The following ALPK2 variants were observed in gnomAD, a reference collection of about 807,000 sequenced individuals.
ALPK2 encodes the protein alpha-protein kinase 2.
A neutral mutation model predicts 163.1 loss-of-function variants in ALPK2; 127 were observed. That is an observed-to-expected ratio of 0.78 (90% CI 0.67 to 0.90). The LOEUF is 0.90. Among genes scored for constraint, ALPK2 ranks in the 40% least tolerant of loss-of-function variants. The pLI is 0.00. For synonymous variants in ALPK2, 953 were observed against 959.1 expected (o/e 0.99, Z 0.12); for missense variants, 2,360 against 2,589.6 (o/e 0.91, Z 1.92).
intron 4 of ALPK2, among the ~76,000 whole-genome samples, chr18:58,559,957 C>T (rs2051817366): frequency 1.3e-5 from 2 of 152,202 alleles, no homozygotes; most frequent in African/African-American, 2.4e-5. Flanking sequence ...TATTACTTTA[C>T]AGTTCGGGAG....
intron 12 of ALPK2, among the ~76,000 whole-genome samples, chr18:58,486,951 A>G (rs1426364059): frequency 6.6e-6 from 1 of 152,218 alleles, no homozygotes; most frequent in African/African-American, 2.4e-5. Flanking sequence ...CCTGCTAGTG[A>G]CCCACCTTAC....
intron 5 of ALPK2, among the ~76,000 whole-genome samples, chr18:58,533,520 T>C (rs1176866548): frequency 1.3e-5 from 2 of 151,636 alleles, no homozygotes; most frequent in African/African-American, 2.4e-5. Flanking sequence ...AGTGTGGTGG[T>C]GTGATCACAG....
chr18:58,553,850 G>GTTTTTTTTTTTTTTTTTT (rs71173061), intron 4 of ALPK2, among the ~76,000 whole-genome samples: 4 of 73,994 alleles, frequency 5.4e-5, no homozygotes, highest in Non-Finnish European at 6.9e-5. Flanking sequence ...TTTTTTTTTG[G>GTTTTTTTTTTTTTTTTTT]TTTTTTTTTT....
At chr18:58,545,524 G>T (rs559075149) in intron 4 of ALPK2, among the ~76,000 whole-genome samples, 3 of 152,162 alleles carry the variant, frequency 2.0e-5, no homozygotes, top group South Asian at 4.1e-4. Context: ...GAAGTAGAGT[G>T]GGGGAGGGAG....
chr18:58,497,918 T>A, intron 12 of ALPK2, 131 bp downstream of exon 12: 1 of 778,760 alleles, frequency 1.3e-6, no homozygotes, highest in Non-Finnish European at 2.2e-6. Context: ...AATGAATTCA[T>A]TCCAAGAACA....
At chr18:58,542,553 A>G (rs1602209765) in intron 4 of ALPK2, among the ~76,000 whole-genome samples, 2 of 152,362 alleles carry the variant, frequency 1.3e-5, no homozygotes, top group East Asian at 1.9e-4. Context: ...AGTTCAATAT[A>G]AAGAACTATT....
rs3809973 is a variant in ALPK2, at chr18:58,537,700, T to G, written c.2487A>C (p.Lys829Asn). Residue 829 changes from lysine (K) to asparagine (N), a missense_variant, in exon 5 of 13, where the codon AAA (lysine) becomes AAC (asparagine). Physicochemically the swap from Lys to Asn is moderately conservative, Grantham distance 94. Transcript: ENST00000361673. The stretch of plus-strand genomic sequence containing the variant: ...CAGAGCAAATTTCTTGAGGCGAATA[T>G]TTATCAACTGGTCTCCCAACAAGAG... ...IDSLVGRPVD[K>N]YSPQEICSVD... The G allele has an allele frequency of 0.52, 837,707 of 1,608,432 alleles. 223,529 individuals are homozygous for G. The highest frequency in any genetic ancestry group is 0.56 in the Non-Finnish European group (652,474 of 1,175,170).
At chr18:58,534,707 A>G (rs1382844725) in intron 5 of ALPK2, 127 bp downstream of exon 5, 1 of 1,292,374 alleles carries the variant, frequency 7.7e-7, no homozygotes, top group Non-Finnish European at 1.1e-6. Flanking sequence ...CTTGGCCACA[A>G]CCATAGCATC....
intron 1 of ALPK2, among the ~76,000 whole-genome samples, chr18:58,613,170 T>C (rs958190241): frequency 6.6e-6 from 1 of 152,154 alleles, no homozygotes; most frequent in Non-Finnish European, 1.5e-5. Context: ...GAGAGACGAG[T>C]TCCCCGAGGA....
In ALPK2 at chr18:58,536,240, C is replaced by A; in HGVS notation, c.3947G>T (p.Gly1316Val). 1 of 1,614,214 alleles carries A rather than the reference C, an allele frequency of 6.2e-7. No individual in the cohort carries two copies. The highest frequency in any genetic ancestry group is 8.5e-7 in the Non-Finnish European group (1 of 1,180,038). Residue 1316 changes from glycine to valine, a missense_variant, in exon 5 of 13, where the codon GGC becomes GTC. By Grantham distance (109) the Gly-to-Val change is moderately radical. Transcript: ENST00000361673. ...ALADSRESHK[G>V]EEPTISVHWR... Reference sequence around the variant, plus strand: ...ATGTACACTGATGGTGGGCTCTTCGCCTTTATGGCTTTCTCTGCTATCAGC... The same window carrying A: ...ATGTACACTGATGGTGGGCTCTTCGACTTTATGGCTTTCTCTGCTATCAGC...
At chr18:58,567,573 G>A (rs1358654723) in intron 4 of ALPK2, among the ~76,000 whole-genome samples, 2 of 152,146 alleles carry the variant, frequency 1.3e-5, no homozygotes, top group African/African-American at 2.4e-5. Flanking sequence ...CTTAGTGCAG[G>A]CTGTTTGCCA....
chr18:58,596,540 A>G (rs1047284818), intron 3 of ALPK2, among the ~76,000 whole-genome samples: 1 of 152,222 alleles, frequency 6.6e-6, no homozygotes, highest in African/African-American at 2.4e-5. Context: ...GGGAGCAGTC[A>G]CTGACACCCT....
intron 8 of ALPK2, 43 bp downstream of exon 8, chr18:58,523,763 A>G (rs1469693115): frequency 1.2e-6 from 2 of 1,613,408 alleles, no homozygotes; most frequent in Non-Finnish European, 1.7e-6. Context: ...TATGCTTTAC[A>G]GTAAGCCCAT....
rs2052245671 is a variant in ALPK2 at position 58,628,960 on chromosome 18, G to A, written c.-217C>T. ...TTCCAGAAAGTTCATCTCTTCCTAA[G>A]AGGGGAAATTCCATGCCCGGGGAAG... On this transcript the variant is annotated 5_prime_UTR_variant, in exon 1 of 13. Coordinates refer to ENST00000361673, the MANE Select transcript of ALPK2 (RefSeq NM_052947.4). 1 of 152,192 alleles carries A rather than the reference G, an allele frequency of 6.6e-6. No individual in the cohort carries two copies. The highest frequency in any genetic ancestry group is 1.5e-5 in the Non-Finnish European group (1 of 68,050). The allele number at this position is 152,192 out of a possible 1,614,324, so 9.4% of individuals were successfully genotyped here. A position where few individuals can be genotyped will look rare whatever the true frequency, so the allele number is the denominator to read the frequency against.
intron 3 of ALPK2, among the ~76,000 whole-genome samples, chr18:58,592,447 A>T (rs1602232097): frequency 1.3e-5 from 2 of 152,332 alleles, no homozygotes; most frequent in Non-Finnish European, 2.9e-5. Context: ...GGGAAGAATT[A>T]CATTTTGGCT....
At chr18:58,497,157 T>G (rs969462203) in intron 12 of ALPK2, among the ~76,000 whole-genome samples, 3 of 152,224 alleles carry the variant, frequency 2.0e-5, no homozygotes, top group Non-Finnish European at 4.4e-5. Flanking sequence ...CAGCTGCAAG[T>G]AACAAACTAG....
chr18:58,513,341 C>T (rs1409649632), intron 10 of ALPK2, among the ~76,000 whole-genome samples: 1 of 151,974 alleles, frequency 6.6e-6, no homozygotes, highest in African/African-American at 2.4e-5. Context: ...GCCCAGAGGC[C>T]CTTCTGAGGC....
At chr18:58,603,196 T>C (rs960125394) in intron 3 of ALPK2, among the ~76,000 whole-genome samples, 4 of 152,242 alleles carry the variant, frequency 2.6e-5, no homozygotes, top group African/African-American at 9.6e-5. Flanking sequence ...GGGGTCTGGA[T>C]TGGAACCCCT....
intron 4 of ALPK2, among the ~76,000 whole-genome samples, chr18:58,559,952 C>T (rs77876017): frequency 0.016 from 2,473 of 152,298 alleles, 38 homozygotes; most frequent in East Asian, 0.091. Flanking sequence ...AGATTTATTA[C>T]TTTACAGTTC....
Sources: gnomAD v4.1 joint callset for allele counts (sites outside exome capture counted in the v4.1 genomes callset) on GRCh38, gnomAD v4.1.1 for gene constraint, MANE v1.5 for transcripts, NCBI Gene and HGNC (gene_info 2026-07-23, HGNC 2026-07-21) for gene names.